The following DLGAP4 variants were observed in gnomAD, a reference collection of about 807,000 sequenced individuals.
DLGAP4 encodes the protein disks large-associated protein 4.
A neutral mutation model predicts 86.9 loss-of-function variants in DLGAP4; 18 were observed. The ratio of observed to expected loss-of-function variants is 0.21; its 90% CI spans 0.14 to 0.31. The LOEUF is 0.31. DLGAP4 is among the 10% of genes least tolerant of loss of function. The probability of loss-of-function intolerance (pLI) is 1.00; values close to 1 mark genes in which losing one functional copy is unlikely to be tolerated. For synonymous variants in DLGAP4, 548 were observed against 574.3 expected (o/e 0.95, Z 0.65); for missense variants, 1,085 against 1,362.6 (o/e 0.80, Z 3.21).
chr20:36,443,976 C>T (rs1235224866), intron 6 of DLGAP4, among the ~76,000 whole-genome samples: 1 of 152,162 alleles, frequency 6.6e-6, no homozygotes, highest in African/African-American at 2.4e-5. Context: ...CCCACGTTCA[C>T]ATTGTGAGGA....
At chr20:36,515,029 G>A (rs910247786) in intron 10 of DLGAP4, among the ~76,000 whole-genome samples, 1 of 152,066 alleles carries the variant, frequency 6.6e-6, no homozygotes. Context: ...GGAGAGAGGA[G>A]GCCCACCAGT....
At chr20:36,476,008 G>A (rs1298564594) in intron 7 of DLGAP4, among the ~76,000 whole-genome samples, 6 of 151,238 alleles carry the variant, frequency 4.0e-5, no homozygotes, top group East Asian at 2.0e-4. Flanking sequence ...GCAGGCACGC[G>A]CCACCACACC....
chr20:36,411,578 C>A (rs139739466), intron 2 of DLGAP4, among the ~76,000 whole-genome samples: 1 of 152,200 alleles, frequency 6.6e-6, no homozygotes, highest in Non-Finnish European at 1.5e-5. Flanking sequence ...TCATTTCCCA[C>A]GTGCATAAGG....
At chr20:36,421,325 A>C (rs1322676506) in intron 2 of DLGAP4, among the ~76,000 whole-genome samples, 3 of 150,256 alleles carry the variant, frequency 2.0e-5, no homozygotes, top group Non-Finnish European at 4.4e-5. Flanking sequence ...GGGCGTGGTG[A>C]CGTGTGCCTT....
intron 7 of DLGAP4, among the ~76,000 whole-genome samples, chr20:36,464,057 T>A (rs1216615345): frequency 6.6e-6 from 1 of 152,190 alleles, no homozygotes; most frequent in Non-Finnish European, 1.5e-5. Flanking sequence ...ACCTTTTTAC[T>A]GTGTACGCTG....
chr20:36,441,597 C>T (rs1305655142), intron 5 of DLGAP4, among the ~76,000 whole-genome samples: 1 of 152,168 alleles, frequency 6.6e-6, no homozygotes, highest in Non-Finnish European at 1.5e-5. Flanking sequence ...CTGCAGTGTC[C>T]CCAGTACCTG....
intron 7 of DLGAP4, chr20:36,462,444 G>A: frequency 6.5e-7 from 1 of 1,528,850 alleles, no homozygotes; most frequent in Admixed American, 2.5e-5. Flanking sequence ...TTTGCCTGGG[G>A]CCCTTGGCCC....
intron 10 of DLGAP4, among the ~76,000 whole-genome samples, chr20:36,503,361 A>C (rs2036224841): frequency 6.6e-6 from 1 of 152,150 alleles, no homozygotes; most frequent in Admixed American, 6.5e-5. Context: ...TTGCCCCAAA[A>C]AGATGCTCTC....
chr20:36,383,206 CA>C (rs1441806496), intron 2 of DLGAP4, among the ~76,000 whole-genome samples: 2 of 152,144 alleles, frequency 1.3e-5, no homozygotes, highest in Admixed American at 1.3e-4. Flanking sequence ...AAGAAGGGCT[CA>C]AGGCAGCTCA....
chr20:36,320,891 C>T (rs1399885008), intron 1 of DLGAP4, among the ~76,000 whole-genome samples: 8 of 152,232 alleles, frequency 5.3e-5, no homozygotes, highest in African/African-American at 1.9e-4. Flanking sequence ...CTGTCTGCCC[C>T]CAGCTTCCTC....
chr20:36,423,733 G>A (rs1217287998), intron 2 of DLGAP4, among the ~76,000 whole-genome samples: 1 of 151,956 alleles, frequency 6.6e-6, no homozygotes, highest in Non-Finnish European at 1.5e-5. Context: ...AGGCCGAGGC[G>A]GGTGGATCAT....
chr20:36,382,867 CCTTGT>C (rs781576581), intron 2 of DLGAP4, among the ~76,000 whole-genome samples: 7 of 152,054 alleles, frequency 4.6e-5, no homozygotes, highest in Non-Finnish European at 1.0e-4. Context: ...GTATAATTGT[CCTTGT>C]CTTGTCTACC....
chr20:36,487,116 A>G (rs1179671769), intron 7 of DLGAP4, among the ~76,000 whole-genome samples: 1 of 152,088 alleles, frequency 6.6e-6, no homozygotes, highest in Admixed American at 6.6e-5. Flanking sequence ...GGCTCTGCAG[A>G]TGGAGGAGGG....
intron 7 of DLGAP4, chr20:36,462,457 C>T (rs551288451): frequency 5.1e-5 from 78 of 1,540,406 alleles, no homozygotes; most frequent in East Asian, 2.3e-4. Context: ...CTTGGCCCCC[C>T]CTTGCTTTTT....
chr20:36,457,980 G>T (rs547972137), intron 7 of DLGAP4, among the ~76,000 whole-genome samples: 11 of 152,092 alleles, frequency 7.2e-5, no homozygotes, highest in Non-Finnish European at 1.2e-4. Context: ...GCTGGGAAGC[G>T]CTCCAGGCGG....
intron 2 of DLGAP4, among the ~76,000 whole-genome samples, chr20:36,406,708 G>A (rs763831394): frequency 1.6e-4 from 25 of 152,230 alleles, no homozygotes; most frequent in African/African-American, 4.8e-4. Flanking sequence ...AGTACTGTGC[G>A]CAACCCATCC....
At chr20:36,521,386 A>C (rs79081146) in intron 10 of DLGAP4, among the ~76,000 whole-genome samples, 3,946 of 152,100 alleles carry the variant, frequency 0.026, 204 homozygotes, top group African/African-American at 0.091. Flanking sequence ...CTTAGTCCCT[A>C]CTTCTGTTTC....
At chr20:36,452,182 T>C (rs2033753205) in intron 7 of DLGAP4, among the ~76,000 whole-genome samples, 1 of 152,134 alleles carries the variant, frequency 6.6e-6, no homozygotes, top group African/African-American at 2.4e-5. Flanking sequence ...GAAGATCGGC[T>C]ATTTTTTACT....
intron 1 of DLGAP4, among the ~76,000 whole-genome samples, chr20:36,331,469 G>C (rs1555891549): frequency 6.6e-6 from 1 of 152,200 alleles, no homozygotes; most frequent in African/African-American, 2.4e-5. Flanking sequence ...CTGCAGTCTG[G>C]GCAGCATTAG....
Sources: allele counts gnomAD v4.1 joint callset (sites outside exome capture counted in the v4.1 genomes callset), GRCh38; gene constraint gnomAD v4.1.1; transcripts MANE v1.5; gene names NCBI Gene and HGNC (gene_info 2026-07-23, HGNC 2026-07-21).